Variants in RHOU observed in about 807,000 individuals in gnomAD.
RHOU encodes the protein rho-related GTP-binding protein RhoU.
In RHOU, 8 loss-of-function variants were observed where a neutral mutation model predicts 12.6. That is an observed-to-expected ratio of 0.64 (90% confidence interval 0.37 to 1.15). The LOEUF (loss-of-function observed/expected upper bound fraction) is 1.15, where lower values mean the gene tolerates loss of function less well. Among genes scored for constraint, RHOU ranks in the 50% most tolerant of loss-of-function variants. The pLI is 0.01. For missense variants in RHOU, 258 were observed against 347.0 expected (o/e 0.74, Z 2.04); for synonymous variants, 161 against 147.4 (o/e 1.09, Z -0.67).
the RHOU span, among the ~76,000 whole-genome samples, chr1:228,664,049 T>G: frequency 7.5e-6 from 1 of 132,808 alleles, no homozygotes; most frequent in Admixed American, 7.6e-5. Flanking sequence ...TCTTTTCTTA[T>G]CTTCTGTCGC....
At chr1:228,691,025 G>A in the RHOU span, among the ~76,000 whole-genome samples, 3 of 152,066 alleles carry the variant, frequency 2.0e-5, no homozygotes, top group East Asian at 5.8e-4. Context: ...ACTTAACTCA[G>A]TTACTTGTAA....
the RHOU span, among the ~76,000 whole-genome samples, chr1:228,680,436 G>A: frequency 6.6e-6 from 1 of 152,164 alleles, no homozygotes; most frequent in Non-Finnish European, 1.5e-5. Context: ...AGGAGCCTCT[G>A]GGAGCTGTGG....
At chr1:228,689,392 G>T in the RHOU span, among the ~76,000 whole-genome samples, 4 of 152,166 alleles carry the variant, frequency 2.6e-5, no homozygotes, top group Non-Finnish European at 5.9e-5. Flanking sequence ...ATTGGGACAT[G>T]ATACTTCCAT....
chr1:228,724,120 C>A, the RHOU span, among the ~76,000 whole-genome samples: 1 of 152,138 alleles, frequency 6.6e-6, no homozygotes, highest in Non-Finnish European at 1.5e-5. Context: ...GAAACATCAG[C>A]TTCGTGGAGT....
chr1:228,741,835 C>T (rs966688995), intron 2 of RHOU, among the ~76,000 whole-genome samples: 1 of 152,188 alleles, frequency 6.6e-6, no homozygotes, highest in East Asian at 1.9e-4. Flanking sequence ...CTTTCGCTTA[C>T]AGAAGCCTCA....
At chr1:228,649,416 T>C in the RHOU span, among the ~76,000 whole-genome samples, 52 of 152,378 alleles carry the variant, frequency 3.4e-4, no homozygotes, top group African/African-American at 1.3e-3. Context: ...ACAAAGATTT[T>C]ACATTTTATC....
chr1:228,739,939 C>T (rs12078927), intron 2 of RHOU, among the ~76,000 whole-genome samples: 25,560 of 152,098 alleles, frequency 0.17, 2,822 homozygotes, highest in African/African-American at 0.31. Context: ...TGGGCCTGCC[C>T]CTTAATAGAC....
the RHOU span, among the ~76,000 whole-genome samples, chr1:228,656,820 A>G: frequency 6.6e-6 from 1 of 152,248 alleles, no homozygotes; most frequent in Non-Finnish European, 1.5e-5. Context: ...TGACAGAAGT[A>G]AGTTCTTCCT....
chr1:228,650,938 T>A, the RHOU span: 2 of 364,504 alleles, frequency 5.5e-6, no homozygotes, highest in Non-Finnish European at 1.1e-5. Context: ...TGGCTGACAT[T>A]AGCTCTCACT....
the RHOU span, among the ~76,000 whole-genome samples, chr1:228,674,045 T>A: frequency 1.1e-4 from 17 of 152,354 alleles, no homozygotes; most frequent in Non-Finnish European, 1.5e-5. Context: ...CAACACTGGC[T>A]TTTGCATTTT....
At chr1:228,728,250 G>A in the RHOU span, among the ~76,000 whole-genome samples, 2 of 152,170 alleles carry the variant, frequency 1.3e-5, no homozygotes, top group African/African-American at 4.8e-5. Context: ...CGTTAGCAGC[G>A]AGTCTAGCCT....
chr1:228,677,673 C>T, the RHOU span, among the ~76,000 whole-genome samples: 1 of 152,004 alleles, frequency 6.6e-6, no homozygotes, highest in East Asian at 1.9e-4. Context: ...AGAACGGGAA[C>T]CAGAATAAGA....
chr1:228,663,638 T>C, the RHOU span, among the ~76,000 whole-genome samples: 37 of 136,364 alleles, frequency 2.7e-4, no homozygotes, highest in African/African-American at 9.3e-4. Context: ...TTTTTTTTTT[T>C]TTTTTTTTTT....
chr1:228,709,056 C>G, the RHOU span, among the ~76,000 whole-genome samples: 386 of 152,002 alleles, frequency 2.5e-3, 1 homozygote, highest in Middle Eastern at 0.031. Context: ...TCAAAAGAGA[C>G]AAAGAAGGCC....
chr1:228,702,118 A>C, the RHOU span, among the ~76,000 whole-genome samples: 1 of 152,198 alleles, frequency 6.6e-6, no homozygotes, highest in Non-Finnish European at 1.5e-5. Flanking sequence ...ATGTTTAATA[A>C]TTAATGTTTT....
At chr1:228,651,050 G>T in the RHOU span, 1 of 266,644 alleles carries the variant, frequency 3.8e-6, no homozygotes, top group African/African-American at 2.3e-5. Context: ...CATCTGCATG[G>T]CTTCCCTCAT....
the RHOU span, among the ~76,000 whole-genome samples, chr1:228,728,465 TA>T: frequency 6.6e-6 from 1 of 152,220 alleles, no homozygotes; most frequent in Non-Finnish European, 1.5e-5. Context: ...ATTAAAGATG[TA>T]AATGATGTGC....
At chr1:228,707,320 A>G in the RHOU span, among the ~76,000 whole-genome samples, 1 of 140,320 alleles carries the variant, frequency 7.1e-6, no homozygotes, top group Non-Finnish European at 1.5e-5. Flanking sequence ...CCCAAAGCAG[A>G]ATGGTCTCGC....
the RHOU span, among the ~76,000 whole-genome samples, chr1:228,694,787 A>G: frequency 3.9e-5 from 6 of 152,126 alleles, no homozygotes; most frequent in African/African-American, 1.2e-4. Flanking sequence ...GAATATACGC[A>G]TGCATTTATC....
Sources: gnomAD v4.1 joint callset for allele counts (sites outside exome capture counted in the v4.1 genomes callset) on GRCh38, gnomAD v4.1.1 for gene constraint, MANE v1.5 for transcripts, NCBI Gene and HGNC (gene_info 2026-07-23, HGNC 2026-07-21) for gene names.